The following DYNC1H1 variants were observed in gnomAD, a reference collection of about 807,000 sequenced individuals.
The protein encoded by DYNC1H1 is cytoplasmic dynein 1 heavy chain 1.
DYNC1H1 carries 51 observed loss-of-function variants against 527.1 expected under a neutral mutation model. The observed-to-expected ratio is 0.10, with a 90% CI of 0.08 to 0.12. The LOEUF is 0.12. DYNC1H1 is among the 10% of genes least tolerant of loss of function. The pLI is 1.00. For synonymous variants in DYNC1H1, 2,189 were observed against 2,278.8 expected, an observed-to-expected ratio of 0.96 and a Z score of 1.12; for missense variants, 2,771 against 5,971.8, an observed-to-expected ratio of 0.46 and a Z score of 17.66.
intron 43 of DYNC1H1, 140 bp from the exon 44 acceptor site, chr14:102,026,434 T>C (rs1182857634): frequency 1.1e-6 from 1 of 928,426 alleles, no homozygotes; most frequent in African/African-American, 1.7e-5. Context: ...TGAATTTATA[T>C]TTTTTTGCTA....
At position 102,000,158 on chromosome 14, in the gene DYNC1H1, G is replaced by A. The variant is rs778908539; in HGVS notation, c.3960+14G>A. 26 of 1,614,056 alleles carry A rather than the reference G, an allele frequency of 1.6e-5. No individual in the cohort carries two copies. The highest frequency in any genetic ancestry group is 2.7e-5 in the African/African-American group (2 of 74,928). On this transcript the variant is annotated intron_variant, in intron 17 of 77. Coordinates refer to ENST00000360184, the MANE Select transcript of DYNC1H1 (RefSeq NM_001376.5). Reference sequence around the variant, plus strand: ...GAGCGCGTGCAGGTATGAACCACTGGGGAGTGGGTGGAGAATCCCGCTCCC... The same window carrying A: ...GAGCGCGTGCAGGTATGAACCACTGAGGAGTGGGTGGAGAATCCCGCTCCC...
rs780247153 is a variant in DYNC1H1 at position 101,985,853 on chromosome 14, C to T, written c.1628C>T (p.Thr543Met). Residue 543 changes from threonine to methionine, a missense_variant, in exon 8 of 78, where the codon ACG becomes ATG. Transcript: ENST00000360184. The surrounding 1 kb of genome is among the most constrained non-coding windows in gnomAD (Gnocchi z 5.9). ...VDGLDVSKEG[T>M]EAWEAAMKRY... is the part of the protein sequence containing the mutation. The stretch of plus-strand genomic sequence containing the variant: ...GGACTGGATGTTTCCAAAGAGGGCA[C>T]GGAAGCCTGGGAGGCTGCTATGAAG... The T allele has an allele frequency of 4.3e-6, 7 of 1,614,008 alleles. No homozygotes were observed. Among genetic ancestry groups the T allele is most frequent in the South Asian group, 3.3e-5 (3 of 91,082 alleles).
chr14:102,017,281 C>G lies in DYNC1H1; in HGVS notation c.8042C>G (p.Ser2681Cys). 6.2e-7 allele frequency: 1 copy of G among 1,614,248 alleles called. No homozygotes were observed. Among genetic ancestry groups the G allele is most frequent in the South Asian group, 1.1e-5 (1 of 91,088 alleles). The part of the protein sequence containing the change: ...MDKYGTQRVI[S>C]FIRQMVEHGG... ...AAATATGGGACCCAGAGGGTCATATCCTTCATCAGACAGGTTTGTTTCTAT... is the reference window on the plus strand; with the variant it reads ...AAATATGGGACCCAGAGGGTCATATGCTTCATCAGACAGGTTTGTTTCTAT... The change falls in exon 39 of 78, where the codon TCC becomes TGC. Residue 2681 changes from serine (S) to cysteine (C), a missense_variant. Transcript: ENST00000360184. This position sits in a 1 kb window ranked among gnomAD's most constrained non-coding sequence, Gnocchi z 4.6.
At chr14:102,047,540 A>G (rs2048735177) in intron 72 of DYNC1H1, 1 of 206,510 alleles carries the variant, frequency 4.8e-6, no homozygotes, top group African/African-American at 2.4e-5. Context: ...CCATCTCAAA[A>G]ATATATATAT....
intron 16 of DYNC1H1, 51 bp from the exon 17 acceptor site, chr14:101,999,938 A>C: frequency 1.9e-6 from 3 of 1,613,420 alleles, no homozygotes; most frequent in Non-Finnish European, 2.5e-6. Flanking sequence ...CTAAATGCTC[A>C]TCTCTCCTGA....
chr14:101,994,911 A>G (rs2048040934), intron 13 of DYNC1H1, 62 bp downstream of exon 13: 9 of 1,613,810 alleles, frequency 5.6e-6, no homozygotes, highest in Non-Finnish European at 7.6e-6. Flanking sequence ...TTTCTGTTAG[A>G]CTGATATTCA....
intron 1 of DYNC1H1, among the ~76,000 whole-genome samples, chr14:101,968,957 G>A (rs1188230450): frequency 6.6e-6 from 1 of 152,220 alleles, no homozygotes; most frequent in African/African-American, 2.4e-5. Flanking sequence ...ATTTAGAGGA[G>A]AAATGTTTTC....
In DYNC1H1 at chr14:102,011,502, CA is replaced by C. The variant is rs2048257984; in HGVS notation, c.6619-372del. ...TTGGTGTCTCCTGTCCCACTGGCTC[CA>C]GCCTTCCTGACTTACTAAAGAACTC... On this transcript the variant is annotated intron_variant, in intron 32 of 77. Coordinates refer to ENST00000360184, the MANE Select transcript of DYNC1H1 (RefSeq NM_001376.5). This position sits in a 1 kb window ranked among gnomAD's most constrained non-coding sequence, Gnocchi z 5.3. 1 of 353,870 alleles carries C rather than the reference CA, an allele frequency of 2.8e-6. No homozygotes were observed. Among genetic ancestry groups the C allele is most frequent in the African/African-American group, 2.1e-5 (1 of 46,936 alleles). 21.9% of individuals were successfully genotyped at this position (353,870 alleles called of 1,614,324 possible).
chr14:102,042,322 A>G lies in DYNC1H1; in HGVS notation c.12275+34A>G, dbSNP rs2048661762. On this transcript the variant is annotated intron_variant, in intron 67 of 77. Coordinates refer to ENST00000360184, the MANE Select transcript of DYNC1H1 (RefSeq NM_001376.5). The surrounding 1 kb of genome is among the most constrained non-coding windows in gnomAD (Gnocchi z 5.7). ...GTTCTCTTTGGCTGAAGAAAGCCTT[A>G]GTCCCCAGGCATTCAGGCAGGCAGC... 6.2e-7 allele frequency: 1 copy of G among 1,614,190 alleles called. No individual in the cohort carries two copies. The highest frequency in any genetic ancestry group is 2.2e-5 in the East Asian group (1 of 44,868).
intron 72 of DYNC1H1, among the ~76,000 whole-genome samples, chr14:102,046,411 G>A (rs546901789): frequency 6.6e-6 from 1 of 152,302 alleles, no homozygotes; most frequent in Admixed American, 6.5e-5. Context: ...ACAGAATCAG[G>A]AGGGATAAGC....
chr14:101,998,626 A>T (rs2048092318), intron 16 of DYNC1H1, among the ~76,000 whole-genome samples: 1 of 152,170 alleles, frequency 6.6e-6, no homozygotes, highest in Non-Finnish European at 1.5e-5. Context: ...TTCCACAAAG[A>T]TCTGCTGGTT....
Position 102,044,117 on chromosome 14 carries a change from G to GAGGCCAGAC in DYNC1H1, c.12684+73_12684+81dup. 6.3e-7 allele frequency: 1 copy of GAGGCCAGAC among 1,599,272 alleles called. No individual in the cohort carries two copies. Among genetic ancestry groups the GAGGCCAGAC allele is most frequent in the Non-Finnish European group, 8.5e-7 (1 of 1,176,176 alleles). ...AGGATGCTGCAGGGCGTGGTGCTGA[G>GAGGCCAGAC]AGGCCAGACTCTGCGTGGAAGAGCG... On this transcript the variant is annotated intron_variant, in intron 70 of 77. Coordinates refer to ENST00000360184, the MANE Select transcript of DYNC1H1 (RefSeq NM_001376.5). This position sits in a 1 kb window ranked among gnomAD's most constrained non-coding sequence, Gnocchi z 7.1.
Position 101,984,448 on chromosome 14 carries a change from A to ATTT in DYNC1H1, c.1461+840_1461+841insTTT, listed in dbSNP as rs1224932045. ...GTGTGTGTGTATATATATATATATT[A>ATTT]TATTTTTTTTTTTTTTTTTTTTTTG... On this transcript the variant is annotated intron_variant, in intron 7 of 77. Coordinates refer to ENST00000360184, the MANE Select transcript of DYNC1H1 (RefSeq NM_001376.5). Among the ~76,000 whole-genome samples, 734 of 89,086 alleles carry ATTT rather than the reference A, an allele frequency of 8.2e-3. 40 individuals are homozygous for ATTT. The highest frequency in any genetic ancestry group is 0.013 in the African/African-American group (229 of 17,876). The allele number at this position is 89,086 out of a possible 152,430, so 58.4% of individuals were successfully genotyped here.
chr14:102,027,086 T>A lies in DYNC1H1; in HGVS notation c.8772-88T>A. ...ATATACAAGTTCAAGTTAAAACATGTCCAAAATACTGTAGACACTAGATAT... is the reference window on the plus strand; with the variant it reads ...ATATACAAGTTCAAGTTAAAACATGACCAAAATACTGTAGACACTAGATAT... On this transcript the variant is annotated intron_variant, in intron 44 of 77. Transcript: ENST00000360184. This position sits in a 1 kb window ranked among gnomAD's most constrained non-coding sequence, Gnocchi z 7.7. 2 of 1,412,738 alleles carry A rather than the reference T, an allele frequency of 1.4e-6. No homozygotes were observed. The highest frequency in any genetic ancestry group is 2.0e-6 in the Non-Finnish European group (2 of 997,922). The allele number at this position is 1,412,738 out of a possible 1,614,324, so 87.5% of individuals were successfully genotyped here.
rs1362715962 is a variant in DYNC1H1, at chr14:101,965,999, A to AGT, written c.256+1052_256+1053insGT. ...TTACAACCACTTTGTAGCCCATTAC[A>AGT]ACCACTTTGGGTGTGGCGTGTCCAT... On this transcript the variant is annotated intron_variant, in intron 1 of 77. Transcript: ENST00000360184. This position sits in a 1 kb window ranked among gnomAD's most constrained non-coding sequence, Gnocchi z 4.1. Among the ~76,000 whole-genome samples, 1 of 152,112 alleles carries AGT rather than the reference A, an allele frequency of 6.6e-6. No individual in the cohort carries two copies. Among genetic ancestry groups the AGT allele is most frequent in the Non-Finnish European group, 1.5e-5 (1 of 68,020 alleles).
Position 102,048,834 on chromosome 14 carries a change from A to T in DYNC1H1, c.13372+165A>T, listed in dbSNP as rs1004904. On this transcript the variant is annotated intron_variant, in intron 74 of 77. Coordinates refer to ENST00000360184, the MANE Select transcript of DYNC1H1 (RefSeq NM_001376.5). ...TCAAGGTGGGCGGGGGGAGGGGAGG[A>T]GCTTAGAAATGCTGAAGAATTTGTT... is the stretch of plus-strand genomic sequence containing the variant. 3 of 574,410 alleles carry T rather than the reference A, an allele frequency of 5.2e-6. No individual in the cohort carries two copies. The East Asian group carries it at 1.2e-4, about 24-fold the overall frequency. The allele number at this position is 574,410 out of a possible 1,614,324, so 35.6% of individuals were successfully genotyped here.
In DYNC1H1 at chr14:102,016,065, G is replaced by A; in HGVS notation, c.7452G>A (p.Glu2484=). ...ATCCCGACTTCCCCATGCAGATCGA[G>A]CAGCTGGAGCGCTACATTCAGGTCA... is the stretch of plus-strand genomic sequence containing the variant. ...ANHPDFPMQI[E]QLERYIQRYL... The change falls in exon 36 of 78, where the codon GAG becomes GAA. Residue 2484 remains glutamate, a synonymous_variant. Coordinates refer to ENST00000360184, the MANE Select transcript of DYNC1H1 (RefSeq NM_001376.5). This position sits in a 1 kb window ranked among gnomAD's most constrained non-coding sequence, Gnocchi z 7.3. 6.2e-7 allele frequency: 1 copy of A among 1,611,100 alleles called. No homozygotes were observed. The highest frequency in any genetic ancestry group is 2.2e-5 in the East Asian group (1 of 44,764).
Position 102,033,539 on chromosome 14 carries a change from C to T in DYNC1H1, c.10413+55C>T. 1.2e-6 allele frequency: 2 copies of T among 1,600,152 alleles called. No individual in the cohort carries two copies. The highest frequency in any genetic ancestry group is 1.7e-6 in the Non-Finnish European group (2 of 1,171,322). ...TTCCTGCTGTGGAAGCAGAGATTAA[C>T]ACACTTCAACATGCGCTGCATGCAC... On this transcript the variant is annotated intron_variant, in intron 54 of 77. Transcript: ENST00000360184. The surrounding 1 kb of genome is among the most constrained non-coding windows in gnomAD (Gnocchi z 5.6).
intron 11 of DYNC1H1, among the ~76,000 whole-genome samples, chr14:101,991,898 A>G (rs2048002778): frequency 1.3e-5 from 2 of 152,066 alleles, no homozygotes; most frequent in African/African-American, 2.4e-5. Flanking sequence ...ACTCCTGTCC[A>G]TGAGCATCTT....
Sources: allele counts gnomAD v4.1 joint callset (sites outside exome capture counted in the v4.1 genomes callset), GRCh38; gene constraint gnomAD v4.1.1; non-coding constraint Gnocchi (gnomAD v3.1); transcripts MANE v1.5; gene names NCBI Gene and HGNC (gene_info 2026-07-23, HGNC 2026-07-21).